The following SP140L variants were observed in gnomAD, a reference collection of about 807,000 sequenced individuals.
SP140L encodes the protein nuclear body protein SP140-like protein.
SP140L carries 64 observed loss-of-function variants against 84.3 expected under a neutral mutation model. The observed-to-expected ratio is 0.76, with a 90% CI of 0.62 to 0.94. The LOEUF (loss-of-function observed/expected upper bound fraction) is 0.94, where lower values mean the gene tolerates loss of function less well. Ranked by LOEUF, SP140L falls within the 40% of genes least tolerant of loss-of-function variation. The pLI, the probability that SP140L is intolerant of heterozygous loss-of-function variation, is 0.00. For synonymous variants in SP140L, 242 were observed against 236.9 expected, an observed-to-expected ratio of 1.02 and a Z score of -0.20; for missense variants, 628 against 692.5, an observed-to-expected ratio of 0.91 and a Z score of 1.05.
At chr2:230,330,267 A>G (rs1021171130) in intron 2 of SP140L, among the ~76,000 whole-genome samples, 1 of 152,176 alleles carries the variant, frequency 6.6e-6, no homozygotes, top group African/African-American at 2.4e-5. Context: ...TGAGGACACC[A>G]TTAATTATCT....
chr2:230,333,475 T>C (rs1428297537), intron 2 of SP140L, among the ~76,000 whole-genome samples: 4 of 152,130 alleles, frequency 2.6e-5, no homozygotes, highest in Non-Finnish European at 5.9e-5. Context: ...TGATTCTTGA[T>C]CCTGTCTTTC....
rs547492290 is a variant in SP140L at position 230,400,043 on chromosome 2, A to G, written c.1198-84A>G. On this transcript the variant is annotated intron_variant, in intron 14 of 18. Coordinates refer to ENST00000415673, the MANE Select transcript of SP140L (RefSeq NM_138402.6). Reference sequence around the variant, plus strand: ...TGCCTGTCTATACAGGCTCACACATAAGCAGTGTGTTCTAGATGCCCAGAG... The same window carrying G: ...TGCCTGTCTATACAGGCTCACACATGAGCAGTGTGTTCTAGATGCCCAGAG... 5.9e-5 allele frequency: 83 copies of G among 1,400,008 alleles called. No homozygotes were observed. The African/African-American group carries it at 1.0e-3, about 18-fold the overall frequency. 86.7% of individuals were successfully genotyped at this position (1,400,008 alleles called of 1,614,324 possible). A position where few individuals can be genotyped will look rare whatever the true frequency, so the allele number is the denominator to read the frequency against.
intron 2 of SP140L, among the ~76,000 whole-genome samples, chr2:230,345,140 T>A (rs2060171480): frequency 1.3e-5 from 2 of 152,208 alleles, no homozygotes; most frequent in Non-Finnish European, 2.9e-5. Context: ...CTTCCTCCTT[T>A]CAGATTGGTT....
At position 230,401,778 on chromosome 2, in the gene SP140L, A is replaced by G. The variant is rs777843764; in HGVS notation, c.1615A>G (p.Ile539Val). The change falls in exon 18 of 19, where the codon ATC becomes GTC. Residue 539 changes from isoleucine (I) to valine (V), a missense_variant. Ile to Val is a conservative substitution (Grantham distance 29). This residue lies in a region of SP140L where 7 missense variants were observed against 51.0 expected (regional missense o/e 0.14). Transcript: ENST00000415673. ...GGGGTTTGTACAAGACATGCGCCTCATCTTCCAGAACCACAGGGCCTCTTA... is the reference window on the plus strand; with the variant it reads ...GGGGTTTGTACAAGACATGCGCCTCGTCTTCCAGAACCACAGGGCCTCTTA... ...VEGFVQDMRL[I>V]FQNHRASYKY... The G allele has an allele frequency of 1.1e-5, 17 of 1,522,934 alleles. 1 individual carries two copies. In the South Asian group the frequency reaches 2.2e-4, roughly 20 times the overall value. 94.3% of individuals were successfully genotyped at this position (1,522,934 alleles called of 1,614,324 possible). A position where few individuals can be genotyped will look rare whatever the true frequency, so the allele number is the denominator to read the frequency against.
At chr2:230,359,988 T>TTGGTATTGGTGCTATACCAAACTAAAGTA (rs1210965833) in intron 4 of SP140L, among the ~76,000 whole-genome samples, 1 of 151,082 alleles carries the variant, frequency 6.6e-6, no homozygotes, top group Admixed American at 6.6e-5. Context: ...AAACTAAAGT[T>TTGGTATTGGTGCTATACCAAACTAAAGTA]TTGATTCTTG....
At chr2:230,373,043 G>A (rs1353296582) in intron 7 of SP140L, among the ~76,000 whole-genome samples, 1 of 152,200 alleles carries the variant, frequency 6.6e-6, no homozygotes, top group African/African-American at 2.4e-5. Context: ...CCAGAGTAAG[G>A]TCTTAACTCT....
intron 5 of SP140L, among the ~76,000 whole-genome samples, chr2:230,369,976 G>A (rs2061005126): frequency 6.7e-6 from 1 of 148,304 alleles, no homozygotes; most frequent in African/African-American, 2.6e-5. Flanking sequence ...GTTTCACCCT[G>A]TTGGCCAGGC....
chr2:230,368,952 T>G (rs1373493740), intron 5 of SP140L, among the ~76,000 whole-genome samples: 1 of 152,262 alleles, frequency 6.6e-6, no homozygotes, highest in Non-Finnish European at 1.5e-5. Context: ...TTTGTTATCT[T>G]CATTGCTTTG....
chr2:230,333,557 A>G (rs1262277744), intron 2 of SP140L, among the ~76,000 whole-genome samples: 1 of 151,912 alleles, frequency 6.6e-6, no homozygotes, highest in African/African-American at 2.4e-5. Context: ...AATTCTCATG[A>G]TGGTTTGCCT....
intron 5 of SP140L, among the ~76,000 whole-genome samples, chr2:230,366,750 T>G (rs2060889649): frequency 6.7e-6 from 1 of 149,528 alleles, no homozygotes; most frequent in Non-Finnish European, 1.5e-5. Context: ...TTATTATTTT[T>G]GGAGACAGAG....
intron 6 of SP140L, 34 bp downstream of exon 6, chr2:230,371,001 C>T: frequency 6.3e-7 from 1 of 1,593,990 alleles, no homozygotes; most frequent in Non-Finnish European, 8.6e-7. Flanking sequence ...GATGGGGTGG[C>T]TCAGTGGGCC....
intron 13 of SP140L, among the ~76,000 whole-genome samples, chr2:230,394,050 A>C (rs1462119866): frequency 6.6e-6 from 1 of 152,216 alleles, no homozygotes; most frequent in Non-Finnish European, 1.5e-5. Context: ...ATGGGAAATT[A>C]TTTACCTTTG....
At chr2:230,386,202 A>C (rs909100218) in intron 9 of SP140L, among the ~76,000 whole-genome samples, 1 of 152,154 alleles carries the variant, frequency 6.6e-6, no homozygotes, top group Non-Finnish European at 1.5e-5. Flanking sequence ...CCATAGGTGG[A>C]CTGGTGCATT....
intron 5 of SP140L, among the ~76,000 whole-genome samples, chr2:230,366,774 C>T (rs889842070): frequency 6.7e-6 from 1 of 150,260 alleles, no homozygotes; most frequent in African/African-American, 2.4e-5. Flanking sequence ...CACTCTGTCA[C>T]CCAGGCTAGA....
chr2:230,336,704 G>A (rs973204143), intron 2 of SP140L, among the ~76,000 whole-genome samples: 2 of 152,166 alleles, frequency 1.3e-5, no homozygotes, highest in African/African-American at 2.4e-5. Context: ...TTCTAACAGA[G>A]ATGCCTTAAC....
chr2:230,387,933 A>G (rs2061653312), intron 9 of SP140L, among the ~76,000 whole-genome samples: 1 of 152,118 alleles, frequency 6.6e-6, no homozygotes. Context: ...GGTCACATTT[A>G]CTATTACTTT....
intron 2 of SP140L, among the ~76,000 whole-genome samples, chr2:230,352,879 ATGG>A (rs1203867390): frequency 6.6e-6 from 1 of 151,896 alleles, no homozygotes; most frequent in East Asian, 1.9e-4. Flanking sequence ...TATATGTATA[ATGG>A]TGGTAATAGT....
intron 5 of SP140L, 145 bp from the exon 6 acceptor site, chr2:230,370,763 A>G: frequency 1.5e-6 from 1 of 649,150 alleles, no homozygotes. Context: ...TTTCGGAGGA[A>G]AAAGTAGAGA....
intron 14 of SP140L, among the ~76,000 whole-genome samples, chr2:230,399,170 C>T (rs993073134): frequency 6.6e-6 from 1 of 152,216 alleles, no homozygotes; most frequent in African/African-American, 2.4e-5. Context: ...TACAATACAG[C>T]ATATAATGTA....
Sources: gnomAD v4.1 joint callset for allele counts (sites outside exome capture counted in the v4.1 genomes callset) on GRCh38, gnomAD v4.1.1 for gene constraint, gnomAD v4.1.1 regional missense constraint, MANE v1.5 for transcripts, NCBI Gene and HGNC (gene_info 2026-07-23, HGNC 2026-07-21) for gene names.